The following ITPR2 variants were observed in gnomAD, a reference collection of about 807,000 sequenced individuals.
ITPR2 encodes inositol 1,4,5-trisphosphate-gated calcium channel ITPR2.
ITPR2 carries 207 observed loss-of-function variants against 317.1 expected under a neutral mutation model. That is an observed-to-expected ratio of 0.65 (90% confidence interval 0.58 to 0.73). The LOEUF is 0.73. Among genes scored for constraint, ITPR2 ranks in the 30% least tolerant of loss-of-function variants. The pLI, the probability that ITPR2 is intolerant of heterozygous loss-of-function variation, is 0.00. For missense variants in ITPR2, 2,613 were observed against 3,284.0 expected (o/e 0.80, Z 4.99); for synonymous variants, 1,156 against 1,149.1 (o/e 1.01, Z -0.12).
chr12:26,450,978 G>A (rs1412624392), intron 45 of ITPR2, among the ~76,000 whole-genome samples: 11 of 152,066 alleles, frequency 7.2e-5, no homozygotes, highest in African/African-American at 2.4e-4. Context: ...TGTGTTTCTT[G>A]GAAAGTTAAT....
intron 34 of ITPR2, among the ~76,000 whole-genome samples, chr12:26,574,038 G>A (rs972594031): frequency 1.3e-5 from 2 of 152,092 alleles, no homozygotes; most frequent in African/African-American, 4.8e-5. Context: ...TCTGGAAATG[G>A]GTCTGACAGA....
At chr12:26,622,601 T>C (rs1946525639) in intron 24 of ITPR2, among the ~76,000 whole-genome samples, 196 bp from the exon 25 acceptor site, 1 of 152,198 alleles carries the variant, frequency 6.6e-6, no homozygotes, top group Admixed American at 6.5e-5. Flanking sequence ...TGTCTGTCCA[T>C]GAAAGCAGGG....
chr12:26,506,411 G>C (rs1278529781), intron 37 of ITPR2, among the ~76,000 whole-genome samples: 1 of 151,392 alleles, frequency 6.6e-6, no homozygotes, highest in Non-Finnish European at 1.5e-5. Flanking sequence ...AGGAGGCTGA[G>C]GTGGGAGGAT....
intron 37 of ITPR2, among the ~76,000 whole-genome samples, chr12:26,531,867 G>T (rs1459487900): frequency 6.6e-5 from 10 of 152,158 alleles, no homozygotes; most frequent in Non-Finnish European, 1.5e-5. Flanking sequence ...AGTCTATCTT[G>T]AAGTTTATTT....
intron 45 of ITPR2, among the ~76,000 whole-genome samples, chr12:26,473,025 TAC>T (rs1051004887): frequency 1.3e-4 from 20 of 152,134 alleles, no homozygotes; most frequent in Admixed American, 3.9e-4. Context: ...CAGCTTGGAT[TAC>T]AGTCATGCAC....
chr12:26,829,773 G>C (rs1951069846), intron 1 of ITPR2, among the ~76,000 whole-genome samples: 1 of 152,126 alleles, frequency 6.6e-6, no homozygotes, highest in Non-Finnish European at 1.5e-5. Flanking sequence ...CAGGAGGGAG[G>C]CATGGTCATA....
At chr12:26,527,672 T>C (rs1415487481) in intron 37 of ITPR2, among the ~76,000 whole-genome samples, 1 of 152,206 alleles carries the variant, frequency 6.6e-6, no homozygotes, top group East Asian at 1.9e-4. Context: ...CCAATACTAA[T>C]GGTTTGTTAT....
intron 32 of ITPR2, 103 bp downstream of exon 32, chr12:26,595,362 A>C: frequency 9.0e-7 from 1 of 1,105,174 alleles, no homozygotes; most frequent in African/African-American, 1.6e-5. Flanking sequence ...GAATGCAACA[A>C]ATCAAAAGGT....
At chr12:26,536,639 G>A (rs1338481346) in intron 37 of ITPR2, among the ~76,000 whole-genome samples, 1 of 152,252 alleles carries the variant, frequency 6.6e-6, no homozygotes, top group Non-Finnish European at 1.5e-5. Flanking sequence ...CAATCATGGA[G>A]TAGCAGCAAG....
intron 13 of ITPR2, 91 bp downstream of exon 13, chr12:26,681,783 A>C: frequency 2.2e-6 from 2 of 908,198 alleles, no homozygotes; most frequent in South Asian, 1.7e-5. Flanking sequence ...GAATGTTCTG[A>C]ATATTCCCTT....
chr12:26,341,645 A>C (rs1413443460), intron 55 of ITPR2, among the ~76,000 whole-genome samples: 1 of 152,278 alleles, frequency 6.6e-6, no homozygotes, highest in Non-Finnish European at 1.5e-5. Flanking sequence ...GCTAATTAGC[A>C]TTTCAAAGGT....
intron 1 of ITPR2, among the ~76,000 whole-genome samples, chr12:26,812,168 A>C (rs1950763183): frequency 6.6e-6 from 1 of 151,788 alleles, no homozygotes; most frequent in Non-Finnish European, 1.5e-5. Context: ...ATCTCAAAAA[A>C]AAAAAAAAAG....
chr12:26,688,419 A>C (rs1157806894), intron 10 of ITPR2, among the ~76,000 whole-genome samples: 1 of 152,140 alleles, frequency 6.6e-6, no homozygotes, highest in Non-Finnish European at 1.5e-5. Context: ...CACAACAAAA[A>C]ATTTAAGAGA....
chr12:26,435,027 A>G (rs1244373841), intron 48 of ITPR2, among the ~76,000 whole-genome samples: 1 of 152,062 alleles, frequency 6.6e-6, no homozygotes, highest in Non-Finnish European at 1.5e-5. Context: ...TATTTAACTC[A>G]TACATCCACT....
At position 26,342,495 on chromosome 12, in the gene ITPR2, G is replaced by GGGGGC. The variant is rs1938155601; in HGVS notation, c.7858-2168_7858-2167insGCCCC. On this transcript the variant is annotated intron_variant, in intron 55 of 56. Coordinates refer to ENST00000381340, the MANE Select transcript of ITPR2 (RefSeq NM_002223.4). The stretch of plus-strand genomic sequence containing the variant: ...GAATGGGAGGTGTTTGGGTCACGGC[G>GGGGGC]GTGGGGGGGGGGGGGGGGCGGGGGT... Among the ~76,000 whole-genome samples the GGGGGC allele has an allele frequency of 8.8e-4, 8 of 9,062 alleles. 1 individual carries two copies. Among genetic ancestry groups the GGGGGC allele is most frequent in the African/African-American group, 1.7e-3 (7 of 4,124 alleles). The allele number at this position is 9,062 out of a possible 152,430, so 5.9% of individuals were successfully genotyped here. A position where few individuals can be genotyped will look rare whatever the true frequency, so the allele number is the denominator to read the frequency against.
In ITPR2 at chr12:26,350,466, G is replaced by C. The variant is rs554657580; in HGVS notation, c.7858-10138C>G. On this transcript the variant is annotated intron_variant, in intron 55 of 56. Transcript: ENST00000381340. ...CTCTGGGATGGGCTGCATGCCAGATGGTGGCTCTTAATTGCTTGAGGGCAT... is the reference window on the plus strand; with the variant it reads ...CTCTGGGATGGGCTGCATGCCAGATCGTGGCTCTTAATTGCTTGAGGGCAT... Among the ~76,000 whole-genome samples the C allele has an allele frequency of 4.6e-5, 7 of 152,194 alleles. No individual in the cohort carries two copies. In the South Asian group the frequency reaches 1.5e-3, roughly 32 times the overall value.
chr12:26,730,515 A>G (rs184786612), intron 2 of ITPR2, among the ~76,000 whole-genome samples: 205 of 152,332 alleles, frequency 1.3e-3, no homozygotes, highest in Non-Finnish European at 2.1e-3. Context: ...TCATAGAGCG[A>G]GCATCAACAG....
intron 1 of ITPR2, among the ~76,000 whole-genome samples, chr12:26,814,023 G>A (rs562465273): frequency 1.3e-5 from 2 of 152,252 alleles, no homozygotes; most frequent in African/African-American, 4.8e-5. Flanking sequence ...TCGTGATGAC[G>A]TCACCTTTGC....
intron 2 of ITPR2, among the ~76,000 whole-genome samples, chr12:26,748,400 AT>A (rs1215026470): frequency 6.6e-6 from 1 of 152,162 alleles, no homozygotes; most frequent in Non-Finnish European, 1.5e-5. Context: ...ATCCTATACT[AT>A]TACCAAGAAA....
Sources: gnomAD v4.1 joint callset for allele counts (sites outside exome capture counted in the v4.1 genomes callset) on GRCh38, gnomAD v4.1.1 for gene constraint, MANE v1.5 for transcripts, NCBI Gene and HGNC (gene_info 2026-07-23, HGNC 2026-07-21) for gene names.